MAP3K20: variants seen among roughly 807,000 people sequenced by gnomAD.
MAP3K20 encodes the protein HCCS-4.
Under a neutral mutation model 85.7 loss-of-function variants are expected in MAP3K20, and 40 were observed. The observed-to-expected ratio is 0.47, with a 90% CI of 0.36 to 0.61. MAP3K20 has a LOEUF of 0.61. MAP3K20 is among the 20% of genes least tolerant of loss of function. The pLI, the probability that MAP3K20 is intolerant of heterozygous loss-of-function variation, is 0.00. For synonymous variants in MAP3K20, 325 were observed against 327.7 expected (o/e 0.99, Z 0.09); for missense variants, 817 against 961.7 (o/e 0.85, Z 1.99).
intron 2 of MAP3K20, among the ~76,000 whole-genome samples, chr2:173,127,590 G>A (rs1287916004): frequency 1.3e-5 from 2 of 152,060 alleles, no homozygotes; most frequent in African/African-American, 2.4e-5. Flanking sequence ...TAAATAAACC[G>A]AACCTTTCTT....
chr2:173,145,977 C>T (rs1048127092), intron 2 of MAP3K20, among the ~76,000 whole-genome samples: 23 of 152,020 alleles, frequency 1.5e-4, no homozygotes, highest in African/African-American at 4.8e-4. Context: ...AAAAAGACTA[C>T]ATCATGATTC....
At chr2:173,246,457 AC>A (rs1167347668) in intron 16 of MAP3K20, among the ~76,000 whole-genome samples, 3 of 152,098 alleles carry the variant, frequency 2.0e-5, no homozygotes, top group African/African-American at 7.2e-5. Flanking sequence ...GGTGGCAACC[AC>A]CCCTTTTTAT....
At chr2:173,243,563 T>TA (rs1684842069) in intron 16 of MAP3K20, among the ~76,000 whole-genome samples, 1 of 152,192 alleles carries the variant, frequency 6.6e-6, no homozygotes, top group South Asian at 2.1e-4. Flanking sequence ...TCTTATGTGC[T>TA]AAGCCAAGGA....
chr2:173,242,111 A>G (rs1209498242), intron 16 of MAP3K20, among the ~76,000 whole-genome samples: 3 of 152,182 alleles, frequency 2.0e-5, no homozygotes, highest in Non-Finnish European at 4.4e-5. Context: ...TGTAGGTGGT[A>G]AAAGAAGAGA....
chr2:173,250,742 C>T (rs1685023217), intron 16 of MAP3K20, among the ~76,000 whole-genome samples: 1 of 152,094 alleles, frequency 6.6e-6, no homozygotes, highest in Non-Finnish European at 1.5e-5. Context: ...TAGTTCCAGA[C>T]CCTGCAACCT....
intron 2 of MAP3K20, among the ~76,000 whole-genome samples, chr2:173,168,312 C>T (rs1209966317): frequency 1.3e-5 from 2 of 152,178 alleles, no homozygotes; most frequent in African/African-American, 2.4e-5. Context: ...GATTAAGCAG[C>T]GATAGCCCCC....
intron 1 of MAP3K20, among the ~76,000 whole-genome samples, chr2:173,090,161 T>G (rs1297886668): frequency 6.6e-6 from 1 of 152,154 alleles, no homozygotes; most frequent in African/African-American, 2.4e-5. Flanking sequence ...TTAGTCCAGT[T>G]TTTGTGTTTG....
intron 2 of MAP3K20, among the ~76,000 whole-genome samples, chr2:173,107,018 G>A (rs1037612683): frequency 2.0e-5 from 3 of 152,192 alleles, no homozygotes; most frequent in Non-Finnish European, 4.4e-5. Flanking sequence ...GTAAGTGCAT[G>A]AAAATTCCCA....
rs572298087 is a variant in MAP3K20 at position 173,122,776 on chromosome 2, C to T, written c.159+31586C>T. ...CACCAGAGATTCCTGTGGGCCAAAG[C>T]ATTTTGATTAATATGTCCCTGATCC... On this transcript the variant is annotated intron_variant, in intron 2 of 19. Transcript: ENST00000375213. Among the ~76,000 whole-genome samples the T allele has an allele frequency of 2.0e-5, 3 of 152,248 alleles. No individual in the cohort carries two copies. The East Asian group carries it at 5.8e-4, about 29-fold the overall frequency.
intron 16 of MAP3K20, among the ~76,000 whole-genome samples, chr2:173,253,099 C>T (rs922488926): frequency 4.6e-5 from 7 of 152,156 alleles, no homozygotes; most frequent in Admixed American, 6.5e-5. Context: ...AAGTGAGACG[C>T]GCTGACCCAG....
chr2:173,162,110 T>G (rs744076), intron 2 of MAP3K20, among the ~76,000 whole-genome samples: 20,891 of 151,924 alleles, frequency 0.14, 1,938 homozygotes, highest in African/African-American at 0.26. Context: ...TTTCTGCCAC[T>G]TAGAAATAGA....
At chr2:173,243,921 C>T (rs1476886524) in intron 16 of MAP3K20, among the ~76,000 whole-genome samples, 1 of 152,290 alleles carries the variant, frequency 6.6e-6, no homozygotes, top group African/African-American at 2.4e-5. Context: ...TCACTGCGCC[C>T]GGCCCAGATT....
chr2:173,195,909 T>C (rs1690817169), intron 7 of MAP3K20, among the ~76,000 whole-genome samples: 1 of 152,168 alleles, frequency 6.6e-6, no homozygotes, highest in Non-Finnish European at 1.5e-5. Flanking sequence ...TTTTTCACGG[T>C]TAGAGCTCTC....
chr2:173,079,063 G>A (rs760124197), intron 1 of MAP3K20, among the ~76,000 whole-genome samples: 1 of 152,136 alleles, frequency 6.6e-6, no homozygotes, highest in African/African-American at 2.4e-5. Flanking sequence ...GTGTTGTTAC[G>A]TGATGTTGTA....
rs1156768110 is a variant in MAP3K20 at position 173,266,443 on chromosome 2, A to G, written c.2096A>G (p.Lys699Arg). ...TCTCCTAGAGGAAGATACAGTGGAA[A>G]GAGTCAGCATTCCACTCCTTCAAGA... ...NSSPRGRYSGKSQHSTPSRGR... is the reference protein window; with the variant it reads ...NSSPRGRYSGRSQHSTPSRGR... Residue 699 changes from lysine to arginine, a missense_variant, in exon 20 of 20, where the codon AAG (lysine) becomes AGG (arginine). Transcript: ENST00000375213. 1.9e-6 allele frequency: 3 copies of G among 1,614,178 alleles called. No homozygotes were observed. Among genetic ancestry groups the G allele is most frequent in the Admixed American group, 3.3e-5 (2 of 60,026 alleles).
At chr2:173,219,255 G>C (rs1300211521) in intron 11 of MAP3K20, among the ~76,000 whole-genome samples, 1 of 152,130 alleles carries the variant, frequency 6.6e-6, no homozygotes, top group Non-Finnish European at 1.5e-5. Flanking sequence ...AATTATGTAA[G>C]TTTAACATTT....
intron 16 of MAP3K20, among the ~76,000 whole-genome samples, chr2:173,251,613 T>C (rs927549078): frequency 1.3e-5 from 2 of 152,330 alleles, no homozygotes; most frequent in South Asian, 2.1e-4. Flanking sequence ...TCTATGGTGA[T>C]AGAAGCTGGA....
intron 2 of MAP3K20, among the ~76,000 whole-genome samples, chr2:173,097,707 C>T (rs932073585): frequency 1.3e-5 from 2 of 152,042 alleles, no homozygotes; most frequent in African/African-American, 2.4e-5. Flanking sequence ...ATTTATTCCA[C>T]GTTATAAATA....
intron 2 of MAP3K20, among the ~76,000 whole-genome samples, chr2:173,120,425 C>T (rs1688248955): frequency 1.3e-5 from 2 of 151,926 alleles, no homozygotes; most frequent in Admixed American, 6.6e-5. Context: ...CATTGTTTAG[C>T]AACAACCCAA....
Sources: gnomAD v4.1 joint callset for allele counts (sites outside exome capture counted in the v4.1 genomes callset) on GRCh38, gnomAD v4.1.1 for gene constraint, MANE v1.5 for transcripts, NCBI Gene and HGNC (gene_info 2026-07-23, HGNC 2026-07-21) for gene names.